Variants in PPP3CC observed in about 807,000 individuals in gnomAD.
PPP3CC encodes the protein protein phosphatase 3 catalytic subunit gamma.
PPP3CC carries 35 observed loss-of-function variants against 60.3 expected under a neutral mutation model. The ratio of observed to expected loss-of-function variants is 0.58; its 90% CI spans 0.44 to 0.77. The LOEUF is 0.77. PPP3CC is among the 30% of genes least tolerant of loss of function. The pLI is 0.00. For missense variants in PPP3CC, 570 were observed against 628.9 expected (o/e 0.91, Z 1.00); for synonymous variants, 206 against 224.3 (o/e 0.92, Z 0.73).
intron 4 of PPP3CC, among the ~76,000 whole-genome samples, chr8:22,504,263 C>T (rs1838847346): frequency 6.6e-6 from 1 of 151,950 alleles, no homozygotes; most frequent in African/African-American, 2.4e-5. Context: ...CAGTATCCAT[C>T]GCCTCAAACA....
At position 22,441,330 on chromosome 8, in the gene PPP3CC, C is replaced by G; in HGVS notation, c.-80C>G. The G allele has an allele frequency of 1.4e-6, 2 of 1,433,372 alleles. No homozygotes were observed. The highest frequency in any genetic ancestry group is 1.9e-6 in the Non-Finnish European group (2 of 1,075,620). The allele number at this position is 1,433,372 out of a possible 1,614,324, so 88.8% of individuals were successfully genotyped here. A position where few individuals can be genotyped will look rare whatever the true frequency, so the allele number is the denominator to read the frequency against. Reference sequence around the variant, plus strand: ...GGCTGACGGCTCCGGGCAGCTAAGGCTGCCCGAGGAGAAGGCGGCGGCCGC... The same window carrying G: ...GGCTGACGGCTCCGGGCAGCTAAGGGTGCCCGAGGAGAAGGCGGCGGCCGC... On this transcript the variant is annotated 5_prime_UTR_variant, in exon 1 of 14. Coordinates refer to ENST00000240139, the MANE Select transcript of PPP3CC (RefSeq NM_005605.5).
At position 22,465,224 on chromosome 8, in the gene PPP3CC, G is replaced by A. The variant is rs545467409; in HGVS notation, c.50-9730G>A. Among the ~76,000 whole-genome samples, 3 of 152,246 alleles carry A rather than the reference G, an allele frequency of 2.0e-5. No homozygotes were observed. The South Asian group carries it at 6.2e-4, about 32-fold the overall frequency. On this transcript the variant is annotated intron_variant, in intron 1 of 13. Coordinates refer to ENST00000240139, the MANE Select transcript of PPP3CC (RefSeq NM_005605.5). Reference sequence around the variant, plus strand: ...ATTCTGCCTGGCTCAGCCTGCCAAAGTGCTAGGATTACAGGCATGAGCCAC... The same window carrying A: ...ATTCTGCCTGGCTCAGCCTGCCAAAATGCTAGGATTACAGGCATGAGCCAC...
intron 6 of PPP3CC, among the ~76,000 whole-genome samples, chr8:22,521,400 TGG>T (rs1227648521): frequency 1.3e-5 from 2 of 152,128 alleles, no homozygotes; most frequent in Admixed American, 6.5e-5. Context: ...TGCAGACAAG[TGG>T]GACTGGAGCC....
At chr8:22,530,508 A>AAAAT (rs754526584) in intron 10 of PPP3CC, among the ~76,000 whole-genome samples, 2,311 of 122,330 alleles carry the variant, frequency 0.019, 52 homozygotes, top group African/African-American at 0.057. Context: ...CACAAACATA[A>AAAAT]AAATAAATAA....
chr8:22,540,539 G>C, intron 13 of PPP3CC, 76 bp from the exon 14 acceptor site: 1 of 1,432,566 alleles, frequency 7.0e-7, no homozygotes, highest in South Asian at 1.3e-5. Flanking sequence ...GTTGCTGTGT[G>C]CTAAGAAACT....
chr8:22,500,817 A>T (rs1429124097), intron 4 of PPP3CC, among the ~76,000 whole-genome samples: 1 of 152,232 alleles, frequency 6.6e-6, no homozygotes, highest in Non-Finnish European at 1.5e-5. Flanking sequence ...TTAAATCAGC[A>T]GCTAATTACC....
chr8:22,488,376 T>C (rs1838286144), intron 3 of PPP3CC, among the ~76,000 whole-genome samples: 1 of 152,246 alleles, frequency 6.6e-6, no homozygotes, highest in Admixed American at 6.5e-5. Flanking sequence ...TATGCTTTAA[T>C]GCAACAATTC....
intron 6 of PPP3CC, among the ~76,000 whole-genome samples, chr8:22,520,945 G>A (rs770994398): frequency 6.6e-6 from 1 of 152,116 alleles, no homozygotes; most frequent in Non-Finnish European, 1.5e-5. Context: ...GGACTCGTTC[G>A]CCAAGTAAAT....
At chr8:22,466,595 A>T (rs935869385) in intron 1 of PPP3CC, among the ~76,000 whole-genome samples, 5 of 152,182 alleles carry the variant, frequency 3.3e-5, no homozygotes, top group Non-Finnish European at 5.9e-5. Flanking sequence ...GCATTTTTGC[A>T]TATGTCTGTT....
At chr8:22,443,519 TAAAAA>T (rs5890033) in intron 1 of PPP3CC, among the ~76,000 whole-genome samples, 1 of 103,674 alleles carries the variant, frequency 9.6e-6, no homozygotes, top group Non-Finnish European at 2.0e-5. Context: ...AAACTCTCTC[TAAAAA>T]AAAAAAAAAA....
intron 1 of PPP3CC, among the ~76,000 whole-genome samples, chr8:22,459,953 G>A (rs1837318954): frequency 1.3e-5 from 2 of 152,128 alleles, no homozygotes; most frequent in South Asian, 2.1e-4. Flanking sequence ...GAAGAGGCAA[G>A]CCACAGAATG....
At chr8:22,499,324 A>G (rs1314881110) in intron 4 of PPP3CC, among the ~76,000 whole-genome samples, 1 of 150,992 alleles carries the variant, frequency 6.6e-6, no homozygotes, top group Non-Finnish European at 1.5e-5. Context: ...CTGTAGTCCC[A>G]GCTACTCGGG....
intron 1 of PPP3CC, among the ~76,000 whole-genome samples, chr8:22,467,893 C>T (rs914333255): frequency 1.3e-5 from 2 of 152,152 alleles, no homozygotes; most frequent in African/African-American, 4.8e-5. Flanking sequence ...TGTGTCCTCA[C>T]GTGGCAGAAG....
In PPP3CC at chr8:22,528,709, G is replaced by C; in HGVS notation, c.1141+132G>C. On this transcript the variant is annotated intron_variant, in intron 10 of 13. Transcript: ENST00000240139. ...AGTTCATTGTAGAAAAATAAAATTT[G>C]AAAAATACGAGAAACCATAAATAAG... The C allele has an allele frequency of 7.5e-6, 5 of 669,048 alleles. No homozygotes were observed. In the South Asian group the frequency reaches 1.5e-4, roughly 21 times the overall value. 41.4% of individuals were successfully genotyped at this position (669,048 alleles called of 1,614,324 possible).
At chr8:22,503,127 G>T (rs1195497006) in intron 4 of PPP3CC, among the ~76,000 whole-genome samples, 1 of 151,834 alleles carries the variant, frequency 6.6e-6, no homozygotes, top group Non-Finnish European at 1.5e-5. Flanking sequence ...ACCCAGTTGG[G>T]GCCCAAGCAT....
chr8:22,455,436 T>C (rs1481082713), intron 1 of PPP3CC, among the ~76,000 whole-genome samples: 3 of 152,232 alleles, frequency 2.0e-5, no homozygotes, highest in Non-Finnish European at 4.4e-5. Context: ...CTGTGACTAG[T>C]GGCCTGAAGA....
At chr8:22,446,613 C>A (rs1836829459) in intron 1 of PPP3CC, among the ~76,000 whole-genome samples, 1 of 152,060 alleles carries the variant, frequency 6.6e-6, no homozygotes, top group South Asian at 2.1e-4. Flanking sequence ...CACCTGAGGT[C>A]CGGCCAACGT....
intron 3 of PPP3CC, among the ~76,000 whole-genome samples, chr8:22,491,727 G>A (rs547003830): frequency 1.9e-4 from 29 of 152,082 alleles, no homozygotes; most frequent in African/African-American, 6.5e-4. Flanking sequence ...GATTTTTTTA[G>A]AGCTAGTATT....
chr8:22,525,552 CTCTCTCTT>C (rs759615302), intron 8 of PPP3CC, among the ~76,000 whole-genome samples: 6,008 of 121,914 alleles, frequency 0.049, 193 homozygotes, highest in Non-Finnish European at 0.076. Context: ...CCCTCTCTCT[CTCTCTCTT>C]TCTTTCTCTC....
Sources: gnomAD v4.1 joint callset for allele counts (sites outside exome capture counted in the v4.1 genomes callset) on GRCh38, gnomAD v4.1.1 for gene constraint, MANE v1.5 for transcripts, NCBI Gene and HGNC (gene_info 2026-07-23, HGNC 2026-07-21) for gene names.